Variants in NRAP observed in about 807,000 individuals in gnomAD.
NRAP encodes the protein nebulin related anchoring protein.
NRAP carries 189 observed loss-of-function variants against 225.9 expected under a neutral mutation model. The ratio of observed to expected loss-of-function variants is 0.84; its 90% confidence interval spans 0.74 to 0.94. The LOEUF (loss-of-function observed/expected upper bound fraction) is 0.94. Ranked by LOEUF, NRAP falls within the 40% of genes least tolerant of loss-of-function variation. The pLI is 0.00. For missense variants in NRAP, 2,176 were observed against 2,168.7 expected (o/e 1.00, Z -0.07); for synonymous variants, 769 against 790.7 (o/e 0.97, Z 0.46).
At chr10:113,603,870 A>C (rs1014900052) in intron 35 of NRAP, among the ~76,000 whole-genome samples, 3 of 152,018 alleles carry the variant, frequency 2.0e-5, no homozygotes, top group Non-Finnish European at 2.9e-5. Context: ...CCCTATTTTA[A>C]ATGGCACACG....
intron 15 of NRAP, among the ~76,000 whole-genome samples, chr10:113,633,835 G>A (rs1425379335): frequency 2.0e-5 from 3 of 152,134 alleles, no homozygotes; most frequent in Non-Finnish European, 2.9e-5. Flanking sequence ...AGGAGAATTG[G>A]ACAGGCATAT....
rs2049937019 is a variant in NRAP at position 113,612,380 on chromosome 10, A to G, written c.3352T>C (p.Leu1118=). The change falls in exon 30 of 42, where the codon TTG becomes CTG. Residue 1118 remains leucine, a synonymous_variant. Transcript: ENST00000359988. ...EHSKAQFHLP[L]DMAALVHAKK... is the part of the protein sequence containing the mutation. ...GCATGCACCAGGGCGGCCATGTCCA[A>G]CGGCAGATGGAACTGCGCCTTTGAG... 6.2e-7 allele frequency: 1 copy of G among 1,614,238 alleles called. No individual in the cohort carries two copies. Among genetic ancestry groups the G allele is most frequent in the Non-Finnish European group, 8.5e-7 (1 of 1,180,022 alleles).
chr10:113,642,506 T>C (rs942367735), intron 12 of NRAP, among the ~76,000 whole-genome samples: 3 of 152,142 alleles, frequency 2.0e-5, no homozygotes, highest in Admixed American at 2.0e-4. Context: ...CTCTAGTACA[T>C]ATCTGTTCAT....
chr10:113,628,167 C>T (rs1055019644), intron 20 of NRAP, among the ~76,000 whole-genome samples: 3 of 152,072 alleles, frequency 2.0e-5, no homozygotes, highest in Non-Finnish European at 2.9e-5. Flanking sequence ...GTATCTGATC[C>T]AACCTCTTCA....
chr10:113,595,369 C>T (rs533398914), intron 38 of NRAP, among the ~76,000 whole-genome samples: 20 of 152,144 alleles, frequency 1.3e-4, no homozygotes, highest in African/African-American at 4.3e-4. Flanking sequence ...GAGCCATACC[C>T]AAGTCAGAAT....
intron 35 of NRAP, 76 bp from the exon 36 acceptor site, chr10:113,598,149 T>C: frequency 1.1e-6 from 1 of 872,108 alleles, no homozygotes; most frequent in Admixed American, 1.7e-5. Flanking sequence ...GATCCTTGAT[T>C]TGTAATAGCA....
intron 3 of NRAP, 45 bp from the exon 4 acceptor site, chr10:113,657,619 GA>G (rs752901724): frequency 8.8e-6 from 10 of 1,141,066 alleles, no homozygotes; most frequent in Non-Finnish European, 1.3e-5. Context: ...TCAGAAAAGA[GA>G]AAAAAACATA....
At chr10:113,603,210 T>G (rs1010102992) in intron 35 of NRAP, among the ~76,000 whole-genome samples, 2 of 152,152 alleles carry the variant, frequency 1.3e-5, no homozygotes, top group African/African-American at 4.8e-5. Flanking sequence ...GCCTGCGGCT[T>G]GGAGAGGACA....
intron 25 of NRAP, among the ~76,000 whole-genome samples, chr10:113,617,957 C>T (rs56147229): frequency 0.045 from 6,849 of 152,044 alleles, 216 homozygotes; most frequent in Middle Eastern, 0.068. Flanking sequence ...ATTTTCCTTC[C>T]ACAAAAAAAC....
Position 113,614,270 on chromosome 10 carries a change from T to G in NRAP, c.3213A>C (p.Lys1071Asn). The G allele has an allele frequency of 6.2e-7, 1 of 1,613,640 alleles. No individual in the cohort carries two copies. Among genetic ancestry groups the G allele is most frequent in the Non-Finnish European group, 8.5e-7 (1 of 1,179,522 alleles). The change falls in exon 29 of 42, where the codon AAA (lysine) becomes AAC (asparagine). Residue 1071 changes from lysine (K) to asparagine (N), a missense_variant. Physicochemically the swap from Lys to Asn is moderately conservative, Grantham distance 94. This residue lies in a region of NRAP where 1,708 missense variants were observed against 1,695.5 expected (regional missense o/e 1.01). Coordinates refer to ENST00000359988, the MANE Select transcript of NRAP (RefSeq NM_198060.4). ...GGGAACCAAGCATCTGTCCTTTCAT[T>G]TTCTCAAATGCCTCTTTGTATTTGT... ...SDYKYKEAFE[K>N]MKGQMLGSRS...
chr10:113,658,590 G>A (rs1448978622), intron 3 of NRAP, among the ~76,000 whole-genome samples: 3 of 152,166 alleles, frequency 2.0e-5, no homozygotes, highest in African/African-American at 7.2e-5. Flanking sequence ...CCCAGAAATC[G>A]GCAATTTTGG....
chr10:113,641,126 A>C (rs1849177430), intron 13 of NRAP, among the ~76,000 whole-genome samples: 1 of 152,254 alleles, frequency 6.6e-6, no homozygotes, highest in South Asian at 2.1e-4. Context: ...AATAGACTGA[A>C]GTACTCTTCA....
In NRAP at chr10:113,595,730, G is replaced by A. The variant is rs112403580; in HGVS notation, c.4432-3C>T. On this transcript the variant is annotated splice_region_variant and splice_polypyrimidine_tract_variant and intron_variant, in intron 37 of 41. Transcript: ENST00000359988. ...GCATCTCCAGATCTATACATGCGCTGTAGATAAGATGGGCTCATGGTAAAT... is the reference window on the plus strand; with the variant it reads ...GCATCTCCAGATCTATACATGCGCTATAGATAAGATGGGCTCATGGTAAAT... 9 of 1,584,960 alleles carry A rather than the reference G, an allele frequency of 5.7e-6. No individual in the cohort carries two copies. In the Admixed American group the frequency reaches 1.0e-4, roughly 18 times the overall value.
In NRAP at chr10:113,588,724, C is replaced by T. The variant is rs1845730023; in HGVS notation, c.*251G>A. 1.8e-6 allele frequency: 1 copy of T among 551,630 alleles called. No individual in the cohort carries two copies. Among genetic ancestry groups the T allele is most frequent in the Non-Finnish European group, 3.2e-6 (1 of 313,460 alleles). 34.2% of individuals were successfully genotyped at this position (551,630 alleles called of 1,614,324 possible). A position where few individuals can be genotyped will look rare whatever the true frequency, so the allele number is the denominator to read the frequency against. ...CCAGAATCCCCAGCATCAGCGGGAA[C>T]CACCATCACATCTTTATTCCTCAGC... On this transcript the variant is annotated 3_prime_UTR_variant, in exon 42 of 42. Transcript: ENST00000359988.
intron 11 of NRAP, 72 bp from the exon 12 acceptor site, chr10:113,643,110 G>C (rs1489134962): frequency 2.8e-5 from 21 of 745,132 alleles, no homozygotes; most frequent in Non-Finnish European, 2.8e-5. Context: ...CCCAGGACTT[G>C]ACTAGGATAT....
chr10:113,631,907 C>T lies in NRAP; in HGVS notation c.1690G>A (p.Asp564Asn). The change falls in exon 17 of 42, where the codon GAT (aspartate) becomes AAT (asparagine). Residue 564 changes from aspartate (D) to asparagine (N), a missense_variant. Asp to Asn is a conservative substitution (Grantham distance 23, BLOSUM62 1). Transcript: ENST00000359988. Reference protein sequence around the residue: ...TKGKGFEMKLDAMSLLAAKAS... With the variant: ...TKGKGFEMKLNAMSLLAAKAS... ...TTGGCGGCCAGCAGAGACATGGCAT[C>T]CAGCTTCATCTCAAATCCTTTCCCC... 2 of 1,613,832 alleles carry T rather than the reference C, an allele frequency of 1.2e-6. No homozygotes were observed. Among genetic ancestry groups the T allele is most frequent in the Admixed American group, 1.7e-5 (1 of 60,026 alleles).
At chr10:113,631,259 T>C (rs1848558570) in intron 18 of NRAP, among the ~76,000 whole-genome samples, 3 of 152,164 alleles carry the variant, frequency 2.0e-5, no homozygotes, top group Admixed American at 6.5e-5. Context: ...ATAAATGCAA[T>C]TGAACACCTT....
At chr10:113,654,912 C>A (rs1850214223) in intron 4 of NRAP, among the ~76,000 whole-genome samples, 1 of 150,734 alleles carries the variant, frequency 6.6e-6, no homozygotes, top group South Asian at 2.1e-4. Flanking sequence ...ATGTAGGCTG[C>A]CATGAATAAA....
intron 16 of NRAP, among the ~76,000 whole-genome samples, chr10:113,632,361 G>A (rs940372080): frequency 6.6e-6 from 1 of 152,244 alleles, no homozygotes; most frequent in Non-Finnish European, 1.5e-5. Flanking sequence ...CATAACATAA[G>A]TGTGGGGTAT....
Sources: allele counts gnomAD v4.1 joint callset (sites outside exome capture counted in the v4.1 genomes callset), GRCh38; gene constraint gnomAD v4.1.1; regional missense constraint gnomAD v4.1.1; transcripts MANE v1.5; gene names NCBI Gene and HGNC (gene_info 2026-07-23, HGNC 2026-07-21).